Variants in PHACTR1 observed in about 807,000 individuals in gnomAD.
PHACTR1 encodes phosphatase and actin regulator 1.
A neutral mutation model predicts 69.2 loss-of-function variants in PHACTR1; 16 were observed. The observed-to-expected ratio is 0.23, with a 90% CI of 0.16 to 0.35. PHACTR1 has a LOEUF of 0.35. Ranked by LOEUF, PHACTR1 falls within the 10% of genes least tolerant of loss-of-function variation. The pLI is 1.00. For missense variants in PHACTR1, 510 were observed against 734.7 expected (o/e 0.69, Z 3.54); for synonymous variants, 312 against 284.5 (o/e 1.10, Z -0.97).
chr6:12,757,527 G>A (rs980570602), intron 4 of PHACTR1, among the ~76,000 whole-genome samples: 12 of 152,208 alleles, frequency 7.9e-5, no homozygotes, highest in Admixed American at 7.8e-4. Context: ...CACCGAAGAA[G>A]CAGAGAAGCC....
intron 3 of PHACTR1, among the ~76,000 whole-genome samples, chr6:12,742,813 A>G (rs571899285): frequency 2.6e-5 from 4 of 152,300 alleles, no homozygotes; most frequent in East Asian, 1.9e-4. Context: ...CAAAGCATAC[A>G]TATGGCAAGG....
intron 10 of PHACTR1, among the ~76,000 whole-genome samples, chr6:13,242,035 CAAAA>C (rs747990237): frequency 1.9e-4 from 11 of 58,620 alleles, no homozygotes; most frequent in African/African-American, 4.1e-4. Context: ...GATTCTGTCT[CAAAA>C]AAAAAAAAAA....
intron 4 of PHACTR1, among the ~76,000 whole-genome samples, chr6:12,909,566 T>G (rs1786131003): frequency 6.6e-6 from 1 of 152,070 alleles, no homozygotes; most frequent in African/African-American, 2.4e-5. Flanking sequence ...TCATAAGAGG[T>G]AGATGAAAGA....
Position 12,908,629 on chromosome 6 carries a change from G to T in PHACTR1, c.251-144736G>T, listed in dbSNP as rs76023151. Among the ~76,000 whole-genome samples the T allele has an allele frequency of 5.5e-3, 835 of 152,266 alleles. 1 individual carries two copies. The highest frequency in any genetic ancestry group is 0.019 in the African/African-American group (809 of 41,556). On this transcript the variant is annotated intron_variant, in intron 4 of 14. Coordinates refer to ENST00000332995, the MANE Select transcript of PHACTR1 (RefSeq NM_030948.6). ...AATCTTGAAAGGCAGATAAGAATGGGGCAGGTGACTATGGCATGGAGCTGG... is the reference window on the plus strand; with the variant it reads ...AATCTTGAAAGGCAGATAAGAATGGTGCAGGTGACTATGGCATGGAGCTGG...
At chr6:12,913,207 T>C (rs1469945881) in intron 4 of PHACTR1, among the ~76,000 whole-genome samples, 2 of 152,196 alleles carry the variant, frequency 1.3e-5, no homozygotes, top group Admixed American at 6.5e-5. Flanking sequence ...ATGCAGAATA[T>C]GGAACAGCAC....
intron 10 of PHACTR1, among the ~76,000 whole-genome samples, chr6:13,232,964 G>C (rs1327235473): frequency 6.6e-6 from 1 of 152,234 alleles, no homozygotes; most frequent in Admixed American, 6.5e-5. Context: ...GCAGATGGGA[G>C]TGAGATGCCA....
chr6:12,763,591 A>G (rs1292600128), intron 4 of PHACTR1, among the ~76,000 whole-genome samples: 3 of 152,182 alleles, frequency 2.0e-5, no homozygotes, highest in Non-Finnish European at 4.4e-5. Context: ...GAAAGAAACA[A>G]TGACTGAATT....
intron 5 of PHACTR1, among the ~76,000 whole-genome samples, chr6:13,104,879 T>C (rs911505077): frequency 6.6e-6 from 1 of 152,228 alleles, no homozygotes; most frequent in African/African-American, 2.4e-5. Context: ...ATCATTCAAA[T>C]TAACAGGTTT....
chr6:13,102,928 G>A (rs1267376056), intron 5 of PHACTR1, among the ~76,000 whole-genome samples: 1 of 152,158 alleles, frequency 6.6e-6, no homozygotes. Context: ...GGTCCAAGAA[G>A]CCAGCTTGTA....
intron 3 of PHACTR1, among the ~76,000 whole-genome samples, chr6:12,729,960 C>G (rs1763279307): frequency 6.6e-6 from 1 of 152,108 alleles, no homozygotes; most frequent in South Asian, 2.1e-4. Flanking sequence ...ATGATGCAAC[C>G]CTTCCCTGAG....
chr6:13,005,696 C>T (rs1321701409), intron 4 of PHACTR1, among the ~76,000 whole-genome samples: 1 of 152,170 alleles, frequency 6.6e-6, no homozygotes, highest in African/African-American at 2.4e-5. Context: ...TTCCTTTGAT[C>T]ATTCACTTCA....
chr6:13,020,200 G>T (rs540980410), intron 4 of PHACTR1, among the ~76,000 whole-genome samples: 1 of 152,310 alleles, frequency 6.6e-6, no homozygotes, highest in African/African-American at 2.4e-5. Context: ...AAAAGAAGAA[G>T]TGAATTATAG....
At chr6:12,899,110 C>G (rs1467202012) in intron 4 of PHACTR1, among the ~76,000 whole-genome samples, 1 of 152,216 alleles carries the variant, frequency 6.6e-6, no homozygotes, top group Non-Finnish European at 1.5e-5. Flanking sequence ...GTGCGTGCTT[C>G]CCTCACATCA....
chr6:12,896,935 TC>T (rs1273886543), intron 4 of PHACTR1, among the ~76,000 whole-genome samples: 3 of 152,174 alleles, frequency 2.0e-5, no homozygotes, highest in Non-Finnish European at 4.4e-5. Flanking sequence ...ATTCTATTGA[TC>T]CCTTGTTGAT....
rs575259829 is a variant in PHACTR1 at position 12,897,020 on chromosome 6, T to C, written c.250+147230T>C. ...TCACAAAGAGTTCCACCTAAATCCA[T>C]CACTTGGATCCAGGGCAGACGTGGA... On this transcript the variant is annotated intron_variant, in intron 4 of 14. Transcript: ENST00000332995. 3.9e-5 allele frequency among the ~76,000 whole-genome samples: 6 copies of C among 152,290 alleles called. No individual in the cohort carries two copies. In the East Asian group the frequency reaches 1.2e-3, roughly 29 times the overall value.
At chr6:12,804,590 G>A (rs192046460) in intron 4 of PHACTR1, among the ~76,000 whole-genome samples, 2 of 152,188 alleles carry the variant, frequency 1.3e-5, no homozygotes, top group Non-Finnish European at 2.9e-5. Flanking sequence ...CATTTTGGGA[G>A]GGGGGTGGAT....
At chr6:12,963,115 A>C (rs956410662) in intron 4 of PHACTR1, among the ~76,000 whole-genome samples, 1 of 152,258 alleles carries the variant, frequency 6.6e-6, no homozygotes, top group Non-Finnish European at 1.5e-5. Flanking sequence ...CAGAATTCAG[A>C]GAAAGAGACA....
chr6:12,840,036 C>A (rs1003183484), intron 4 of PHACTR1, among the ~76,000 whole-genome samples: 5 of 152,160 alleles, frequency 3.3e-5, no homozygotes, highest in African/African-American at 1.2e-4. Flanking sequence ...ATGGTGTCAG[C>A]CCTTGCTCCT....
At chr6:12,822,731 T>C (rs1341953506) in intron 4 of PHACTR1, among the ~76,000 whole-genome samples, 2 of 152,148 alleles carry the variant, frequency 1.3e-5, no homozygotes, top group Non-Finnish European at 1.5e-5. Context: ...CAGAATAGAC[T>C]TCTAGCCAGA....
Sources: allele counts gnomAD v4.1 joint callset (sites outside exome capture counted in the v4.1 genomes callset), GRCh38; gene constraint gnomAD v4.1.1; transcripts MANE v1.5; gene names NCBI Gene and HGNC (gene_info 2026-07-23, HGNC 2026-07-21).